The following FAR1 variants were observed in gnomAD, a reference collection of about 807,000 sequenced individuals.
The protein encoded by FAR1 is fatty acyl-CoA reductase 1, also known as male sterility domain-containing protein 2.
A neutral mutation model predicts 61.1 loss-of-function variants in FAR1; 22 were observed. The observed-to-expected ratio is 0.36, with a 90% CI of 0.26 to 0.51. The LOEUF is 0.51. Among genes scored for constraint, FAR1 ranks in the 20% least tolerant of loss-of-function variants. The pLI is 0.95. For synonymous variants in FAR1, 206 were observed against 209.7 expected (o/e 0.98, Z 0.15); for missense variants, 359 against 626.9 (o/e 0.57, Z 4.56).
intron 1 of FAR1, among the ~76,000 whole-genome samples, chr11:13,683,755 G>A (rs753412724): frequency 2.0e-5 from 3 of 152,154 alleles, no homozygotes; most frequent in South Asian, 2.1e-4. Context: ...GAAAAAACAC[G>A]TAAATGGGCT....
intron 10 of FAR1, among the ~76,000 whole-genome samples, chr11:13,726,114 C>A (rs11022946): frequency 0.032 from 4,891 of 151,952 alleles, 114 homozygotes; most frequent in Non-Finnish European, 0.047. Flanking sequence ...CAGCATGTAT[C>A]TGTTATTGTT....
chr11:13,678,162 A>C (rs2134168257), intron 1 of FAR1, among the ~76,000 whole-genome samples: 2 of 152,348 alleles, frequency 1.3e-5, no homozygotes, highest in Admixed American at 1.3e-4. Context: ...GTGGAATACA[A>C]ATTGAAGTTT....
chr11:13,727,786 T>C (rs1848682542), intron 11 of FAR1, 103 bp downstream of exon 11: 1 of 1,093,550 alleles, frequency 9.1e-7, no homozygotes, highest in African/African-American at 1.6e-5. Context: ...CATTCAAAGA[T>C]GCAGATAATT....
intron 10 of FAR1, among the ~76,000 whole-genome samples, chr11:13,727,058 C>T (rs1385844938): frequency 1.3e-5 from 2 of 151,980 alleles, no homozygotes; most frequent in Non-Finnish European, 2.9e-5. Context: ...AATCTAATTA[C>T]TGTTATCCAA....
chr11:13,689,914 C>T (rs571454293), intron 1 of FAR1, among the ~76,000 whole-genome samples: 25 of 135,802 alleles, frequency 1.8e-4, no homozygotes, highest in Admixed American at 9.0e-4. Flanking sequence ...CTTGCTCTGT[C>T]GGCCAGGCTG....
chr11:13,686,407 C>G (rs1848185738), intron 1 of FAR1: 1 of 152,108 alleles, frequency 6.6e-6, no homozygotes. Flanking sequence ...TAGCAAGTAT[C>G]TGAAATAATC....
At chr11:13,702,620 C>A (rs1394071110) in intron 3 of FAR1, among the ~76,000 whole-genome samples, 2 of 151,834 alleles carry the variant, frequency 1.3e-5, no homozygotes, top group Admixed American at 1.3e-4. Context: ...TCGATTTTTT[C>A]CCCCATAGTT....
At chr11:13,727,307 C>G (rs1321377199) in intron 10 of FAR1, among the ~76,000 whole-genome samples, 1 of 151,806 alleles carries the variant, frequency 6.6e-6, no homozygotes, top group African/African-American at 2.4e-5. Context: ...TATATTTAAC[C>G]TACTTCTCTT....
At chr11:13,689,643 G>T in intron 1 of FAR1, among the ~76,000 whole-genome samples, 1 of 152,068 alleles carries the variant, frequency 6.6e-6, no homozygotes, top group Non-Finnish European at 1.5e-5. Flanking sequence ...TTTCTATTGG[G>T]TATATAATCA....
intron 2 of FAR1, among the ~76,000 whole-genome samples, chr11:13,699,488 A>G (rs1848346118): frequency 6.6e-6 from 1 of 152,226 alleles, no homozygotes; most frequent in Admixed American, 6.5e-5. Flanking sequence ...GATATGTTAT[A>G]TAGACTTTCT....
chr11:13,708,447 G>GCGCGCGCACACACACACACACA (rs139902063), intron 4 of FAR1, among the ~76,000 whole-genome samples: 18 of 136,700 alleles, frequency 1.3e-4, no homozygotes, highest in African/African-American at 5.0e-4. Context: ...GCGCGCGCGC[G>GCGCGCGCACACACACACACACA]CACACACACA....
chr11:13,711,993 A>C lies in FAR1; in HGVS notation c.834A>C (p.Val278=). ...SNNALADLVP[V]DVVVNMSLAA... ...ATGCCCTTGCAGATCTTGTTCCTGTAGATGTAGTTGTCAACATGAGTCTTG... is the reference window on the plus strand; with the variant it reads ...ATGCCCTTGCAGATCTTGTTCCTGTCGATGTAGTTGTCAACATGAGTCTTG... The change falls in exon 7 of 12, where the codon GTA becomes GTC. Residue 278 remains valine, a synonymous_variant. Transcript: ENST00000354817. 1 of 1,613,454 alleles carries C rather than the reference A, an allele frequency of 6.2e-7. No homozygotes were observed. Among genetic ancestry groups the C allele is most frequent in the South Asian group, 1.1e-5 (1 of 91,070 alleles).
intron 1 of FAR1, among the ~76,000 whole-genome samples, chr11:13,683,638 C>T (rs1338239178): frequency 6.6e-6 from 1 of 151,958 alleles, no homozygotes. Context: ...GCCTGGGCTC[C>T]CAAAGTGCTG....
At chr11:13,681,152 C>G (rs1044877071) in intron 1 of FAR1, among the ~76,000 whole-genome samples, 2 of 152,056 alleles carry the variant, frequency 1.3e-5, no homozygotes, top group African/African-American at 4.8e-5. Flanking sequence ...ATGTGAAATT[C>G]TCGTTCAGTA....
chr11:13,688,939 A>G (rs904100828), intron 1 of FAR1, among the ~76,000 whole-genome samples: 1 of 152,072 alleles, frequency 6.6e-6, no homozygotes, highest in Middle Eastern at 3.2e-3. Flanking sequence ...GGGACCATTC[A>G]TTTGAACTTC....
intron 9 of FAR1, chr11:13,720,924 TTATGA>T (rs373202373): frequency 6.6e-6 from 1 of 152,256 alleles, no homozygotes; most frequent in African/African-American, 2.4e-5. Context: ...CAAGTTAGTG[TTATGA>T]TATCAATGAC....
chr11:13,713,088 C>T (rs554796977), intron 8 of FAR1, 55 bp downstream of exon 8: 28 of 1,500,644 alleles, frequency 1.9e-5, no homozygotes, highest in Non-Finnish European at 2.5e-5. Flanking sequence ...GAACCAAGTT[C>T]CCTGAAGTTT....
intron 1 of FAR1, among the ~76,000 whole-genome samples, chr11:13,669,884 TAA>T (rs5789795): frequency 6.6e-6 from 1 of 150,758 alleles, no homozygotes; most frequent in African/African-American, 2.4e-5. Context: ...TTCTTTATGT[TAA>T]AAAAAAAAGT....
chr11:13,702,152 A>G (rs924299164), intron 3 of FAR1, among the ~76,000 whole-genome samples: 1 of 152,162 alleles, frequency 6.6e-6, no homozygotes, highest in African/African-American at 2.4e-5. Flanking sequence ...TTATGTGTTA[A>G]TGATTCAAAG....
Sources: allele counts gnomAD v4.1 joint callset (sites outside exome capture counted in the v4.1 genomes callset), GRCh38; gene constraint gnomAD v4.1.1; transcripts MANE v1.5; gene names NCBI Gene and HGNC (gene_info 2026-07-23, HGNC 2026-07-21).